The following ACOXL variants were observed in gnomAD, a reference collection of about 807,000 sequenced individuals.
ACOXL encodes the protein acyl-coenzyme A oxidase-like protein.
Under a neutral mutation model 71.9 loss-of-function variants are expected in ACOXL, and 70 were observed. The ratio of observed to expected loss-of-function variants is 0.97; its 90% confidence interval spans 0.80 to 1.19. ACOXL has a LOEUF of 1.19. ACOXL is among the 50% of genes most tolerant of loss of function. The pLI, the probability that ACOXL is intolerant of heterozygous loss-of-function variation, is 0.00. For missense variants in ACOXL, 703 were observed against 736.3 expected (o/e 0.95, Z 0.52); for synonymous variants, 253 against 281.6 (o/e 0.90, Z 1.02).
intron 16 of ACOXL, among the ~76,000 whole-genome samples, chr2:111,078,772 T>C (rs1204171977): frequency 6.6e-6 from 1 of 152,226 alleles, no homozygotes; most frequent in African/African-American, 2.4e-5. Flanking sequence ...TGAAAAATAT[T>C]GGATTATTTC....
In ACOXL at chr2:110,821,933, TTG is replaced by T. The variant is rs372084892; in HGVS notation, c.753+16553_753+16554del. 1.4e-3 allele frequency among the ~76,000 whole-genome samples: 218 copies of T among 150,762 alleles called. 2 individuals are homozygous for T. Among genetic ancestry groups the T allele is most frequent in the African/African-American group, 4.9e-3 (200 of 41,156 alleles). On this transcript the variant is annotated intron_variant, in intron 9 of 17. Coordinates refer to ENST00000439055, the MANE Select transcript of ACOXL (RefSeq NM_001142807.4). ...GTTACCCTTTGACATTCTTCTATCA[TTG>T]TGTGTGTGTGTGTGCATGTGAGTGT...
At chr2:110,950,946 C>T (rs1233433833) in intron 12 of ACOXL, among the ~76,000 whole-genome samples, 1 of 152,002 alleles carries the variant, frequency 6.6e-6, no homozygotes, top group African/African-American at 2.4e-5. Context: ...GCCTTTGCAC[C>T]TCTTGGTGTC....
intron 10 of ACOXL, among the ~76,000 whole-genome samples, chr2:110,850,113 A>G (rs1006242861): frequency 6.6e-6 from 1 of 152,166 alleles, no homozygotes; most frequent in African/African-American, 2.4e-5. Flanking sequence ...ACAAGCAACA[A>G]AGATGGATCA....
chr2:111,003,550 CAAAAAAAAAAA>C (rs548001377), intron 14 of ACOXL, among the ~76,000 whole-genome samples: 6,100 of 35,406 alleles, frequency 0.17, 252 homozygotes, highest in East Asian at 0.44. Context: ...GACTCTGTCT[CAAAAAAAAAAA>C]AAAAAAAAAA....
At chr2:111,110,817 A>T (rs1424782877) in intron 17 of ACOXL, among the ~76,000 whole-genome samples, 1 of 152,208 alleles carries the variant, frequency 6.6e-6, no homozygotes, top group Non-Finnish European at 1.5e-5. Flanking sequence ...GTAACCATGG[A>T]GCAAAATTCT....
chr2:111,117,591 T>C (rs1179278989), intron 17 of ACOXL, 25 bp from the exon 18 acceptor site: 1 of 1,551,410 alleles, frequency 6.4e-7, no homozygotes, highest in Non-Finnish European at 8.7e-7. Context: ...ACATCTGACC[T>C]GTCCCATTGT....
chr2:110,813,696 A>G (rs567525305), intron 9 of ACOXL, among the ~76,000 whole-genome samples: 1 of 152,246 alleles, frequency 6.6e-6, no homozygotes, highest in African/African-American at 2.4e-5. Context: ...TCCACAGCTC[A>G]TTGCTCCATT....
At chr2:111,114,988 G>A (rs2070246843) in intron 17 of ACOXL, among the ~76,000 whole-genome samples, 1 of 152,094 alleles carries the variant, frequency 6.6e-6, no homozygotes, top group South Asian at 2.1e-4. Context: ...TATTTCCAGT[G>A]GACTGTACAT....
chr2:110,799,847 G>T (rs1204874362), intron 7 of ACOXL, among the ~76,000 whole-genome samples: 1 of 152,160 alleles, frequency 6.6e-6, no homozygotes, highest in Admixed American at 6.5e-5. Context: ...TAACTAGCAA[G>T]AAGATTGTGA....
chr2:110,835,595 C>T (rs918486112), intron 9 of ACOXL, among the ~76,000 whole-genome samples: 3 of 152,166 alleles, frequency 2.0e-5, no homozygotes, highest in African/African-American at 4.8e-5. Context: ...GGCCTGAACT[C>T]GTGGTGATCA....
At chr2:110,862,890 A>G (rs1262262934) in intron 10 of ACOXL, among the ~76,000 whole-genome samples, 2 of 152,174 alleles carry the variant, frequency 1.3e-5, no homozygotes, top group African/African-American at 4.8e-5. Flanking sequence ...CGGGGCCCTT[A>G]TCCCACAGGC....
At chr2:110,792,328 G>A (rs1684746513) in intron 3 of ACOXL, among the ~76,000 whole-genome samples, 1 of 152,196 alleles carries the variant, frequency 6.6e-6, no homozygotes, top group Admixed American at 6.5e-5. Context: ...GCACAGCAAT[G>A]TCCCTACATT....
At chr2:111,058,689 T>TGA (rs2066661788) in intron 16 of ACOXL, among the ~76,000 whole-genome samples, 1 of 152,152 alleles carries the variant, frequency 6.6e-6, no homozygotes, top group East Asian at 1.9e-4. Flanking sequence ...ATAAAAACTT[T>TGA]GAGATGGGGA....
intron 12 of ACOXL, among the ~76,000 whole-genome samples, chr2:110,976,235 C>A (rs2062439756): frequency 6.6e-6 from 1 of 152,200 alleles, no homozygotes; most frequent in African/African-American, 2.4e-5. Flanking sequence ...AAGGATGCAA[C>A]GGCTTCTCAA....
At chr2:110,933,783 G>A in intron 12 of ACOXL, 141 bp downstream of exon 12, 1 of 1,069,238 alleles carries the variant, frequency 9.4e-7, no homozygotes, top group Admixed American at 2.9e-5. Flanking sequence ...TTCCTTACCA[G>A]CCTCATAGTC....
At chr2:110,779,336 A>G (rs1683050086) in intron 2 of ACOXL, among the ~76,000 whole-genome samples, 1 of 152,358 alleles carries the variant, frequency 6.6e-6, no homozygotes, top group Non-Finnish European at 1.5e-5. Flanking sequence ...GGATGTGGTC[A>G]GAGGGTTAGA....
chr2:110,984,491 T>C (rs56170128), intron 12 of ACOXL, among the ~76,000 whole-genome samples: 9,952 of 152,174 alleles, frequency 0.065, 425 homozygotes, highest in East Asian at 0.22. Context: ...CAAAGGGGCA[T>C]CAACAGCAGA....
intron 14 of ACOXL, among the ~76,000 whole-genome samples, chr2:111,009,798 A>G (rs1008380660): frequency 1.3e-5 from 2 of 152,146 alleles, no homozygotes; most frequent in Non-Finnish European, 2.9e-5. Flanking sequence ...GAATCCTGCC[A>G]AGTTAGAGGG....
intron 15 of ACOXL, among the ~76,000 whole-genome samples, chr2:111,044,510 T>C (rs1228165380): frequency 6.6e-6 from 1 of 152,206 alleles, no homozygotes; most frequent in Non-Finnish European, 1.5e-5. Flanking sequence ...CGAGAGAAGC[T>C]GAAAGAACAT....
Sources: allele counts gnomAD v4.1 joint callset (sites outside exome capture counted in the v4.1 genomes callset), GRCh38; gene constraint gnomAD v4.1.1; transcripts MANE v1.5; gene names NCBI Gene and HGNC (gene_info 2026-07-23, HGNC 2026-07-21).